The following SORT1 variants were observed in gnomAD, a reference collection of about 807,000 sequenced individuals.
SORT1 encodes the protein sortilin 1.
In SORT1, 39 loss-of-function variants were observed where a neutral mutation model predicts 101.7. The observed-to-expected ratio is 0.38, with a 90% CI of 0.30 to 0.50. The LOEUF is 0.50. Ranked by LOEUF, SORT1 falls within the 20% of genes least tolerant of loss-of-function variation. The pLI, the probability that SORT1 is intolerant of heterozygous loss-of-function variation, is 0.90. For missense variants in SORT1, 878 were observed against 1,040.4 expected, an observed-to-expected ratio of 0.84 and a Z score of 2.15; for synonymous variants, 396 against 393.7, an observed-to-expected ratio of 1.01 and a Z score of -0.07.
At chr1:109,377,078 G>C (rs1301360272) in intron 1 of SORT1, among the ~76,000 whole-genome samples, 1 of 152,108 alleles carries the variant, frequency 6.6e-6, no homozygotes, top group Non-Finnish European at 1.5e-5. Context: ...ACAGCTCAAA[G>C]TGATCTCCTC....
At chr1:109,392,919 A>G (rs1444782675) in intron 1 of SORT1, 2 of 985,194 alleles carry the variant, frequency 2.0e-6, no homozygotes, top group East Asian at 2.3e-4. Context: ...TCAAGAGACT[A>G]TTAAATAAGC....
At chr1:109,330,201 G>A (rs11810513) in intron 11 of SORT1, among the ~76,000 whole-genome samples, 2,952 of 152,114 alleles carry the variant, frequency 0.019, 101 homozygotes, top group African/African-American at 0.068. Context: ...GACCAAGTCG[G>A]CCAGGCTGGT....
intron 5 of SORT1, among the ~76,000 whole-genome samples, chr1:109,351,965 GGTGTGT>G (rs10540637): frequency 0.58 from 84,722 of 147,172 alleles, 25,699 homozygotes; most frequent in East Asian, 0.84. Context: ...GAGAGGTAGG[GGTGTGT>G]GTGTGTGTGT....
chr1:109,391,921 A>G (rs1472588645), intron 1 of SORT1, among the ~76,000 whole-genome samples: 1 of 152,260 alleles, frequency 6.6e-6, no homozygotes, highest in Non-Finnish European at 1.5e-5. Context: ...TGATGACAAA[A>G]GGAGAGAAAG....
chr1:109,326,865 C>T, intron 13 of SORT1, 127 bp downstream of exon 13: 1 of 643,742 alleles, frequency 1.6e-6, no homozygotes, highest in Non-Finnish European at 2.5e-6. Context: ...TTTCTAGAAT[C>T]TTATCTATAG....
chr1:109,380,322 A>G (rs980437770), intron 1 of SORT1, among the ~76,000 whole-genome samples: 2 of 152,130 alleles, frequency 1.3e-5, no homozygotes, highest in African/African-American at 4.8e-5. Flanking sequence ...ATAAGCGAAT[A>G]TTTTTATAAC....
At chr1:109,357,847 C>T (rs565264677) in intron 3 of SORT1, among the ~76,000 whole-genome samples, 30 of 152,150 alleles carry the variant, frequency 2.0e-4, no homozygotes, top group Non-Finnish European at 1.2e-4. Context: ...ATTATATTAC[C>T]CTTTCTTTGG....
chr1:109,381,204 C>T (rs1652207424), intron 1 of SORT1, among the ~76,000 whole-genome samples: 1 of 152,136 alleles, frequency 6.6e-6, no homozygotes, highest in South Asian at 2.1e-4. Flanking sequence ...TAAAAGATGT[C>T]ATATGTTGGG....
chr1:109,326,514 C>T (rs1008552187), intron 13 of SORT1, among the ~76,000 whole-genome samples: 4 of 55,914 alleles, frequency 7.2e-5, no homozygotes, highest in African/African-American at 1.9e-4. Flanking sequence ...TACACACATA[C>T]ACATATATAT....
intron 8 of SORT1, among the ~76,000 whole-genome samples, chr1:109,345,346 C>T (rs1021950155): frequency 6.6e-6 from 1 of 152,102 alleles, no homozygotes; most frequent in Non-Finnish European, 1.5e-5. Flanking sequence ...AAAACCCCAT[C>T]TCTACTAAAA....
In SORT1 at chr1:109,377,284, C is replaced by T. The variant is rs543914175; in HGVS notation, c.307-7695G>A. Among the ~76,000 whole-genome samples, 30 of 152,300 alleles carry T rather than the reference C, an allele frequency of 2.0e-4. 2 individuals are homozygous for T. The South Asian group carries it at 4.8e-3, about 24-fold the overall frequency. On this transcript the variant is annotated intron_variant, in intron 1 of 19. Transcript: ENST00000256637. Reference sequence around the variant, plus strand: ...TTGGTATTACCCATCAGGCCTAGCACAAGGTCTTATATTTATTAGATGCTC... The same window carrying T: ...TTGGTATTACCCATCAGGCCTAGCATAAGGTCTTATATTTATTAGATGCTC...
intron 13 of SORT1, among the ~76,000 whole-genome samples, chr1:109,326,460 TATATACATACAC>T (rs1257820405): frequency 0.014 from 623 of 45,792 alleles, 11 homozygotes; most frequent in South Asian, 0.041. Flanking sequence ...TATATATATA[TATATACATACAC>T]ACACACACAC....
chr1:109,396,162 A>G (rs1384183375), intron 1 of SORT1, among the ~76,000 whole-genome samples: 2 of 152,310 alleles, frequency 1.3e-5, no homozygotes, highest in East Asian at 3.9e-4. Context: ...CAGGAGGCTG[A>G]GGTAAGACTC....
chr1:109,353,394 C>T (rs931669090), intron 5 of SORT1, among the ~76,000 whole-genome samples: 5 of 151,660 alleles, frequency 3.3e-5, no homozygotes, highest in Non-Finnish European at 4.4e-5. Context: ...TGGTGCCCCT[C>T]AGCCTCACCT....
intron 11 of SORT1, among the ~76,000 whole-genome samples, chr1:109,331,386 C>G (rs1570907093): frequency 2.0e-5 from 3 of 151,966 alleles, no homozygotes; most frequent in Admixed American, 2.0e-4. Flanking sequence ...CTTGATAAAT[C>G]CAGAAAAAGC....
chr1:109,365,019 C>T (rs954300910), intron 3 of SORT1, among the ~76,000 whole-genome samples: 1 of 152,188 alleles, frequency 6.6e-6, no homozygotes, highest in Non-Finnish European at 1.5e-5. Context: ...CAACATTTTG[C>T]TATTCCACAT....
At chr1:109,316,755 A>G (rs1182292711) in intron 17 of SORT1, 95 bp downstream of exon 17, 3 of 802,780 alleles carry the variant, frequency 3.7e-6, no homozygotes, top group Non-Finnish European at 6.2e-6. Context: ...ACCACTTTTT[A>G]TCAGTAACAA....
Position 109,311,689 on chromosome 1 carries a change from C to G in SORT1, c.*2354G>C, listed in dbSNP as rs924193102. ...AAATTCCCATTACTTTTGTTTTCAG[C>G]CATGAAAGACAGGAAAATACAATTT... On this transcript the variant is annotated 3_prime_UTR_variant, in exon 20 of 20. Coordinates refer to ENST00000256637, the MANE Select transcript of SORT1 (RefSeq NM_002959.7). 9.2e-5 allele frequency: 14 copies of G among 152,192 alleles called. No homozygotes were observed. The highest frequency in any genetic ancestry group is 3.1e-4 in the African/African-American group (13 of 41,436). 9.4% of individuals were successfully genotyped at this position (152,192 alleles called of 1,614,324 possible). A position where few individuals can be genotyped will look rare whatever the true frequency, so the allele number is the denominator to read the frequency against.
Position 109,354,372 on chromosome 1 carries a change from T to C in SORT1, c.703A>G (p.Thr235Ala). ...QNSDYLLALS[T>A]ENGLWVSKNF... Reference sequence around the variant, plus strand: ...TGTTCCTCAACTGGACTTACTTCAGTGCTGAGAGCTAAAAGATAATCAGAA... The same window carrying C: ...TGTTCCTCAACTGGACTTACTTCAGCGCTGAGAGCTAAAAGATAATCAGAA... The change falls in exon 5 of 20, where the codon ACT becomes GCT. Residue 235 changes from threonine to alanine, a missense_variant. Coordinates refer to ENST00000256637, the MANE Select transcript of SORT1 (RefSeq NM_002959.7). 1.1e-5 allele frequency: 17 copies of C among 1,612,972 alleles called. No individual in the cohort carries two copies. The highest frequency in any genetic ancestry group is 1.4e-5 in the Non-Finnish European group (17 of 1,179,154).
Sources: gnomAD v4.1 joint callset for allele counts (sites outside exome capture counted in the v4.1 genomes callset) on GRCh38, gnomAD v4.1.1 for gene constraint, MANE v1.5 for transcripts, NCBI Gene and HGNC (gene_info 2026-07-23, HGNC 2026-07-21) for gene names.